The following DSCAM variants were observed in gnomAD, a reference collection of about 807,000 sequenced individuals.
DSCAM encodes cell adhesion molecule DSCAM.
A neutral mutation model predicts 217.7 loss-of-function variants in DSCAM; 47 were observed. That is an observed-to-expected ratio of 0.22 (90% CI 0.17 to 0.28). DSCAM has a LOEUF of 0.28. Ranked by LOEUF, DSCAM falls within the 10% of genes least tolerant of loss-of-function variation. The pLI, the probability that DSCAM is intolerant of heterozygous loss-of-function variation, is 1.00. For missense variants in DSCAM, 2,080 were observed against 2,618.3 expected (o/e 0.79, Z 4.49); for synonymous variants, 1,056 against 1,015.3 (o/e 1.04, Z -0.76).
chr21:40,399,380 G>C (rs1321273371), intron 3 of DSCAM, among the ~76,000 whole-genome samples: 9 of 151,876 alleles, frequency 5.9e-5, no homozygotes, highest in African/African-American at 7.2e-5. Context: ...GGTGGAAAAG[G>C]GTTTCTATAT....
chr21:40,486,488 G>A (rs2076029639), intron 3 of DSCAM, among the ~76,000 whole-genome samples: 1 of 151,938 alleles, frequency 6.6e-6, no homozygotes, highest in African/African-American at 2.4e-5. Flanking sequence ...AAAGAAAAGA[G>A]GAAAGGGAAG....
At chr21:40,142,021 AGAG>A (rs980428395) in intron 18 of DSCAM, among the ~76,000 whole-genome samples, 1 of 143,592 alleles carries the variant, frequency 7.0e-6, no homozygotes, top group Non-Finnish European at 1.5e-5. Flanking sequence ...AGGAAAAGAG[AGAG>A]GAGGAGAAGG....
intron 3 of DSCAM, among the ~76,000 whole-genome samples, chr21:40,600,834 T>C (rs1252117314): frequency 6.6e-6 from 1 of 152,214 alleles, no homozygotes; most frequent in East Asian, 1.9e-4. Flanking sequence ...TGTTCCTTTG[T>C]CAATATTCAG....
Position 40,432,057 on chromosome 21 carries a change from G to A in DSCAM, c.509-62812C>T, listed in dbSNP as rs565079860. 3.5e-3 allele frequency among the ~76,000 whole-genome samples: 531 copies of A among 152,054 alleles called. 3 individuals are homozygous for A. The highest frequency in any genetic ancestry group is 0.012 in the African/African-American group (500 of 41,500). ...TCTATTAAAAAATACAAAAAAATTC[G>A]CTAGGCATGGTGGTGGGTGCCTGTA... On this transcript the variant is annotated intron_variant, in intron 3 of 32. Coordinates refer to ENST00000400454, the MANE Select transcript of DSCAM (RefSeq NM_001389.5).
chr21:40,615,895 C>T (rs2089386989), intron 3 of DSCAM, among the ~76,000 whole-genome samples: 1 of 151,964 alleles, frequency 6.6e-6, no homozygotes, highest in Admixed American at 6.6e-5. Flanking sequence ...ATGTGCTTCC[C>T]TAGAACACCA....
chr21:40,248,099 C>T (rs1316873896), intron 11 of DSCAM, among the ~76,000 whole-genome samples: 4 of 152,310 alleles, frequency 2.6e-5, no homozygotes, highest in African/African-American at 9.6e-5. Context: ...ACTCCCTAGG[C>T]TGCACACAGC....
chr21:40,676,650 A>G (rs143625892), intron 3 of DSCAM, among the ~76,000 whole-genome samples: 1,952 of 152,324 alleles, frequency 0.013, 31 homozygotes, highest in African/African-American at 0.041. Flanking sequence ...ATGGGGACAC[A>G]GTGTGGGACA....
At chr21:40,325,355 T>C (rs1384600057) in intron 8 of DSCAM, among the ~76,000 whole-genome samples, 3 of 152,190 alleles carry the variant, frequency 2.0e-5, no homozygotes, top group Non-Finnish European at 4.4e-5. Flanking sequence ...ACCCCAGCTT[T>C]ACTATATCTG....
intron 3 of DSCAM, among the ~76,000 whole-genome samples, chr21:40,493,879 A>AT (rs1165065917): frequency 0.061 from 8,260 of 135,090 alleles, 338 homozygotes; most frequent in Non-Finnish European, 0.08. Context: ...AAAAAAAAAA[A>AT]ATATATACAT....
At chr21:40,302,044 T>C (rs1474292106) in intron 9 of DSCAM, among the ~76,000 whole-genome samples, 1 of 152,240 alleles carries the variant, frequency 6.6e-6, no homozygotes, top group Non-Finnish European at 1.5e-5. Context: ...TACTCTATAT[T>C]GTCTGGGTGT....
chr21:40,335,521 T>C (rs1893748212), intron 8 of DSCAM, among the ~76,000 whole-genome samples: 1 of 152,198 alleles, frequency 6.6e-6, no homozygotes. Flanking sequence ...TAAATGTTAA[T>C]GATTCAAAGG....
rs1474096488 is a variant in DSCAM, at chr21:40,054,690, A to G, written c.5035+1035T>C. Among the ~76,000 whole-genome samples, 4 of 152,184 alleles carry G rather than the reference A, an allele frequency of 2.6e-5. No individual in the cohort carries two copies. In the East Asian group the frequency reaches 5.8e-4, roughly 22 times the overall value. Reference sequence around the variant, plus strand: ...TCCATGGGCACTCAAAAGCTTGGATAACTTCTGGTTGAGGGTTTCTTGGAA... The same window carrying G: ...TCCATGGGCACTCAAAAGCTTGGATGACTTCTGGTTGAGGGTTTCTTGGAA... On this transcript the variant is annotated intron_variant, in intron 29 of 32. Coordinates refer to ENST00000400454, the MANE Select transcript of DSCAM (RefSeq NM_001389.5).
At chr21:40,161,605 T>C (rs1303381607) in intron 16 of DSCAM, among the ~76,000 whole-genome samples, 1 of 152,180 alleles carries the variant, frequency 6.6e-6, no homozygotes, top group Non-Finnish European at 1.5e-5. Context: ...GAAAGAACAA[T>C]CTTACTTTAT....
At chr21:40,085,271 A>G (rs1226750112) in intron 23 of DSCAM, among the ~76,000 whole-genome samples, 1 of 152,198 alleles carries the variant, frequency 6.6e-6, no homozygotes, top group African/African-American at 2.4e-5. Flanking sequence ...TCTGGGATAC[A>G]CTTACATATA....
At chr21:40,488,696 C>A (rs573673491) in intron 3 of DSCAM, among the ~76,000 whole-genome samples, 1 of 152,104 alleles carries the variant, frequency 6.6e-6, no homozygotes, top group South Asian at 2.1e-4. Context: ...TATTATAGCT[C>A]GAACAGTGAA....
intron 16 of DSCAM, among the ~76,000 whole-genome samples, chr21:40,165,253 C>G (rs2090581451): frequency 6.6e-6 from 1 of 152,188 alleles, no homozygotes; most frequent in Non-Finnish European, 1.5e-5. Flanking sequence ...AACATATTGT[C>G]CTTTACATAT....
At chr21:40,247,523 A>C (rs2073242877) in intron 11 of DSCAM, among the ~76,000 whole-genome samples, 1 of 152,242 alleles carries the variant, frequency 6.6e-6, no homozygotes, top group South Asian at 2.1e-4. Flanking sequence ...CAGGGCAGTC[A>C]AATCTTAAAG....
chr21:40,393,831 A>G (rs2075155320), intron 3 of DSCAM, among the ~76,000 whole-genome samples: 1 of 152,202 alleles, frequency 6.6e-6, no homozygotes, highest in African/African-American at 2.4e-5. Flanking sequence ...CTAAATTATG[A>G]GTGGCTACCT....
chr21:40,232,943 A>G (rs1782423526), intron 11 of DSCAM, among the ~76,000 whole-genome samples: 1 of 152,144 alleles, frequency 6.6e-6, no homozygotes, highest in South Asian at 2.1e-4. Flanking sequence ...AGGAAATTAA[A>G]TATGTATAAT....
Sources: gnomAD v4.1 joint callset for allele counts (sites outside exome capture counted in the v4.1 genomes callset) on GRCh38, gnomAD v4.1.1 for gene constraint, MANE v1.5 for transcripts, NCBI Gene and HGNC (gene_info 2026-07-23, HGNC 2026-07-21) for gene names.